Variants in FBXL17 observed in about 807,000 individuals in gnomAD.
FBXL17 encodes the protein F-box and leucine rich repeat protein 17, also known as F-box/LRR-repeat protein 17.
A neutral mutation model predicts 66.2 loss-of-function variants in FBXL17; 22 were observed. That is an observed-to-expected ratio of 0.33 (90% CI 0.24 to 0.47). FBXL17 has a LOEUF of 0.47. Ranked by LOEUF, FBXL17 falls within the 20% of genes least tolerant of loss-of-function variation. FBXL17 has a pLI of 1.00. For synonymous variants in FBXL17, 474 were observed against 400.5 expected (o/e 1.18, Z -2.19); for missense variants, 878 against 948.2 (o/e 0.93, Z 0.97).
chr5:108,352,011 T>C (rs1396476243), intron 3 of FBXL17, among the ~76,000 whole-genome samples: 1 of 152,224 alleles, frequency 6.6e-6, no homozygotes, highest in African/African-American at 2.4e-5. Context: ...GAAATGACTT[T>C]TCATACAGGC....
intron 6 of FBXL17, among the ~76,000 whole-genome samples, chr5:108,185,467 C>T (rs1438098095): frequency 6.6e-6 from 1 of 152,160 alleles, no homozygotes; most frequent in Admixed American, 6.5e-5. Flanking sequence ...TTTCCTGAGG[C>T]TTCTCCAGCC....
chr5:107,891,872 T>C (rs1447847382), intron 7 of FBXL17, among the ~76,000 whole-genome samples: 6 of 152,096 alleles, frequency 3.9e-5, no homozygotes, highest in Admixed American at 3.9e-4. Context: ...AATATACATT[T>C]GTTTAAATAG....
At chr5:108,289,638 A>G (rs1354309112) in intron 4 of FBXL17, among the ~76,000 whole-genome samples, 1 of 152,152 alleles carries the variant, frequency 6.6e-6, no homozygotes, top group Non-Finnish European at 1.5e-5. Flanking sequence ...AGCAGAGAGG[A>G]AACAGGCAAA....
intron 4 of FBXL17, among the ~76,000 whole-genome samples, chr5:108,290,292 A>G (rs150622596): frequency 6.6e-6 from 1 of 152,324 alleles, no homozygotes; most frequent in African/African-American, 2.4e-5. Flanking sequence ...GTTAGCACAT[A>G]TAGTTCAGGT....
intron 3 of FBXL17, among the ~76,000 whole-genome samples, chr5:108,353,153 A>C (rs6875297): frequency 0.56 from 84,470 of 152,066 alleles, 23,727 homozygotes; most frequent in East Asian, 0.76. Flanking sequence ...GAAGTTGCCA[A>C]TCTGTTCTAA....
At chr5:108,005,093 C>CTTTTTTTTTT (rs35383958) in intron 7 of FBXL17, among the ~76,000 whole-genome samples, 1 of 143,756 alleles carries the variant, frequency 7.0e-6, no homozygotes, top group African/African-American at 2.6e-5. Flanking sequence ...TTTTCAATGA[C>CTTTTTTTTTT]TTTTTTTTTT....
chr5:108,154,386 G>C (rs111966345), intron 6 of FBXL17, among the ~76,000 whole-genome samples: 17,588 of 150,220 alleles, frequency 0.12, 1,244 homozygotes, highest in East Asian at 0.16. Flanking sequence ...CTGAGGTCAG[G>C]AGTTCGAGAC....
At chr5:108,048,776 C>T (rs1188501576) in intron 6 of FBXL17, among the ~76,000 whole-genome samples, 2 of 152,004 alleles carry the variant, frequency 1.3e-5, no homozygotes, top group African/African-American at 2.4e-5. Context: ...TGAAAAGGAC[C>T]GAACAGAGCC....
At chr5:108,311,309 T>C (rs543448178) in intron 4 of FBXL17, among the ~76,000 whole-genome samples, 1 of 152,022 alleles carries the variant, frequency 6.6e-6, no homozygotes, top group Admixed American at 6.6e-5. Flanking sequence ...GTAGCTGAGA[T>C]TACAGGCGCC....
At chr5:108,254,331 G>T (rs1756484329) in intron 4 of FBXL17, among the ~76,000 whole-genome samples, 1 of 152,092 alleles carries the variant, frequency 6.6e-6, no homozygotes, top group African/African-American at 2.4e-5. Context: ...ATATTCTCTG[G>T]TATTTTAGAG....
chr5:108,359,733 A>G (rs1485272966), intron 3 of FBXL17, among the ~76,000 whole-genome samples: 1 of 152,108 alleles, frequency 6.6e-6, no homozygotes, highest in Non-Finnish European at 1.5e-5. Context: ...TATCTGTGAG[A>G]CTGTTCCATG....
chr5:108,227,068 C>T (rs984664354), intron 4 of FBXL17, among the ~76,000 whole-genome samples: 3 of 152,236 alleles, frequency 2.0e-5, no homozygotes, highest in Non-Finnish European at 4.4e-5. Flanking sequence ...TACAGACAGA[C>T]GTACAGACAA....
intron 5 of FBXL17, among the ~76,000 whole-genome samples, chr5:108,189,815 G>T (rs566241358): frequency 6.6e-6 from 1 of 152,278 alleles, no homozygotes; most frequent in African/African-American, 2.4e-5. Flanking sequence ...CTGTGAAAAA[G>T]ACTATGAGAG....
At position 108,186,257 on chromosome 5, in the gene FBXL17, T is replaced by C. The variant is rs1046494605; in HGVS notation, c.1615-10A>G. 3.7e-6 allele frequency: 6 copies of C among 1,603,442 alleles called. No individual in the cohort carries two copies. Among genetic ancestry groups the C allele is most frequent in the African/African-American group, 1.3e-5 (1 of 74,460 alleles). ...TGGAAAGGTTTCTTAGCTAATGAGA[T>C]AAATAAAATGAAAGATGAAAAAGGT... On this transcript the variant is annotated splice_polypyrimidine_tract_variant and intron_variant, in intron 5 of 8. Transcript: ENST00000542267.
intron 6 of FBXL17, among the ~76,000 whole-genome samples, chr5:108,156,103 TA>T (rs1248319987): frequency 2.0e-5 from 3 of 152,128 alleles, no homozygotes; most frequent in Admixed American, 2.0e-4. Flanking sequence ...TTGGGAAGAA[TA>T]TTTGCTATAA....
chr5:108,166,339 T>G (rs1752415174), intron 6 of FBXL17, among the ~76,000 whole-genome samples: 1 of 152,224 alleles, frequency 6.6e-6, no homozygotes, highest in Non-Finnish European at 1.5e-5. Flanking sequence ...CTCTAGCAGT[T>G]TGCCCTTAGG....
intron 6 of FBXL17, among the ~76,000 whole-genome samples, chr5:108,177,909 A>AATG (rs568633858): frequency 5.8e-5 from 3 of 51,528 alleles, no homozygotes; most frequent in Admixed American, 2.5e-4. Flanking sequence ...AGAAAAAAAA[A>AATG]TGTATATATA....
Position 108,120,877 on chromosome 5 carries a change from T to C in FBXL17, c.1745+65240A>G, listed in dbSNP as rs1028064692. 4.6e-5 allele frequency among the ~76,000 whole-genome samples: 7 copies of C among 152,172 alleles called. No individual in the cohort carries two copies. The East Asian group carries it at 5.8e-4, about 13-fold the overall frequency. ...GTGCCTGGAAGCACTCAAATACTGA[T>C]TGAATGAATGAATGCTTATCCTTAA... On this transcript the variant is annotated intron_variant, in intron 6 of 8. Transcript: ENST00000542267.
chr5:108,034,739 A>T (rs1338676342), intron 6 of FBXL17, among the ~76,000 whole-genome samples: 1 of 152,202 alleles, frequency 6.6e-6, no homozygotes, highest in Non-Finnish European at 1.5e-5. Flanking sequence ...TTAATGTTTT[A>T]AAAATGGAAA....
Sources: gnomAD v4.1 joint callset for allele counts (sites outside exome capture counted in the v4.1 genomes callset) on GRCh38, gnomAD v4.1.1 for gene constraint, MANE v1.5 for transcripts, NCBI Gene and HGNC (gene_info 2026-07-23, HGNC 2026-07-21) for gene names.